The following KRT23 variants were observed in gnomAD, a reference collection of about 807,000 sequenced individuals.
KRT23 encodes keratin 23.
Under a neutral mutation model 47.6 loss-of-function variants are expected in KRT23, and 38 were observed. The ratio of observed to expected loss-of-function variants is 0.80; its 90% CI spans 0.62 to 1.05. The LOEUF (loss-of-function observed/expected upper bound fraction) is 1.05. KRT23 is among the 50% of genes least tolerant of loss of function. The pLI, the probability that KRT23 is intolerant of heterozygous loss-of-function variation, is 0.00. For missense variants in KRT23, 503 were observed against 529.5 expected (o/e 0.95, Z 0.49); for synonymous variants, 191 against 199.0 (o/e 0.96, Z 0.34).
At chr17:40,935,573 G>A (rs904986568) in intron 2 of KRT23, among the ~76,000 whole-genome samples, 1 of 152,016 alleles carries the variant, frequency 6.6e-6, no homozygotes, top group South Asian at 2.1e-4. Flanking sequence ...ATTATTATTG[G>A]TTCTAGCAAT....
At chr17:40,929,583 T>C (rs1909501247) in intron 4 of KRT23, 1 of 195,438 alleles carries the variant, frequency 5.1e-6, no homozygotes, top group Admixed American at 5.9e-5. Flanking sequence ...GCAGACTCTC[T>C]TCATTATATT....
chr17:40,933,261 G>A (rs1028200976), intron 2 of KRT23, among the ~76,000 whole-genome samples: 1 of 152,042 alleles, frequency 6.6e-6, no homozygotes, highest in South Asian at 2.1e-4. Context: ...TCCTCTTGTG[G>A]GATTCCAAAT....
rs760377562 is a variant in KRT23, at chr17:40,936,443, G to T, written c.161C>A (p.Pro54His). ...SLSFTTRSCP[P>H]PGGSWGSGRS... is the part of the protein sequence containing the mutation. ...TCCAGAACCCCAAGACCCTCCAGGG[G>T]GTGGGCAGCTCCGCGTGGTGAAGGA... The change falls in exon 2 of 9, where the codon CCC (proline) becomes CAC (histidine). Residue 54 changes from proline to histidine, a missense_variant. Transcript: ENST00000209718. 6.2e-6 allele frequency: 10 copies of T among 1,610,094 alleles called. No individual in the cohort carries two copies. The highest frequency in any genetic ancestry group is 7.6e-6 in the Non-Finnish European group (9 of 1,177,456).
chr17:40,927,892 C>A (rs1003888432), intron 6 of KRT23, among the ~76,000 whole-genome samples: 1 of 152,158 alleles, frequency 6.6e-6, no homozygotes, highest in Admixed American at 6.5e-5. Context: ...CATATGGTTT[C>A]ATCACCAGTT....
chr17:40,926,822 T>A (rs578200745), intron 6 of KRT23, among the ~76,000 whole-genome samples: 2 of 152,230 alleles, frequency 1.3e-5, no homozygotes, highest in African/African-American at 4.8e-5. Flanking sequence ...CAAGGTAGCC[T>A]ACAAAGCCCT....
intron 1 of KRT23, 97 bp from the exon 2 acceptor site, chr17:40,937,050 C>G (rs540910530): frequency 6.3e-6 from 1 of 158,152 alleles, no homozygotes; most frequent in African/African-American, 2.4e-5. Context: ...CAAAACAAAA[C>G]AACAACAACA....
intron 2 of KRT23, among the ~76,000 whole-genome samples, chr17:40,931,832 T>G (rs917048927): frequency 6.6e-6 from 1 of 152,234 alleles, no homozygotes; most frequent in Non-Finnish European, 1.5e-5. Flanking sequence ...TTTGCTTAAT[T>G]AAGCTCATCC....
intron 6 of KRT23, among the ~76,000 whole-genome samples, chr17:40,927,686 A>C (rs1333332485): frequency 6.6e-6 from 1 of 152,136 alleles, no homozygotes; most frequent in African/African-American, 2.4e-5. Flanking sequence ...AAGAACTTAG[A>C]GTTTTCTGGG....
Position 40,930,007 on chromosome 17 carries a change from G to A in KRT23, c.569C>T (p.Thr190Ile), listed in dbSNP as rs771932888. Reference protein sequence around the residue: ...RTLDNLTIVTTDLEQEVEGMR... With the variant: ...RTLDNLTIVTIDLEQEVEGMR... Reference sequence around the variant, plus strand: ...TCCTTCCACCTCCTGTTCTAGGTCTGTTGTGACAATGGTCAGGTTGTCTAA... The same window carrying A: ...TCCTTCCACCTCCTGTTCTAGGTCTATTGTGACAATGGTCAGGTTGTCTAA... Residue 190 changes from threonine (T) to isoleucine (I), a missense_variant, in exon 4 of 9, where the codon ACA (threonine) becomes ATA (isoleucine). Physicochemically the swap from Thr to Ile is moderately conservative, Grantham distance 89. Coordinates refer to ENST00000209718, the MANE Select transcript of KRT23 (RefSeq NM_015515.5). 6.2e-7 allele frequency: 1 copy of A among 1,614,164 alleles called. No individual in the cohort carries two copies. The highest frequency in any genetic ancestry group is 8.5e-7 in the Non-Finnish European group (1 of 1,180,006).
chr17:40,932,510 CT>C (rs1909769817), intron 2 of KRT23, among the ~76,000 whole-genome samples: 1 of 152,160 alleles, frequency 6.6e-6, no homozygotes, highest in South Asian at 2.1e-4. Flanking sequence ...GGTTCTGGCT[CT>C]GTTCTTGACC....
At chr17:40,928,655 G>T in intron 4 of KRT23, 48 bp from the exon 5 acceptor site, 2 of 1,555,362 alleles carry the variant, frequency 1.3e-6, no homozygotes, top group Non-Finnish European at 1.8e-6. Context: ...ACAATCAGAA[G>T]GCTGGATTGC....
At chr17:40,937,029 A>C (rs1156833120) in intron 1 of KRT23, 76 bp from the exon 2 acceptor site, 2 of 164,750 alleles carry the variant, frequency 1.2e-5, no homozygotes, top group Non-Finnish European at 2.6e-5. Context: ...AAAAAAACCA[A>C]AAACCAAAAC....
In KRT23 at chr17:40,927,683, T is replaced by TA. The variant is rs72282847; in HGVS notation, c.921+554dup. 4.5e-3 allele frequency among the ~76,000 whole-genome samples: 689 copies of TA among 152,288 alleles called. 5 individuals are homozygous for TA. The highest frequency in any genetic ancestry group is 0.015 in the African/African-American group (632 of 41,556). On this transcript the variant is annotated intron_variant, in intron 6 of 8. Coordinates refer to ENST00000209718, the MANE Select transcript of KRT23 (RefSeq NM_015515.5). Reference sequence around the variant, plus strand: ...TAGAAATGACTTGGACACAAGAACTTAGAGTTTTCTGGGTGATAAGACATA... The same window carrying TA: ...TAGAAATGACTTGGACACAAGAACTTAAGAGTTTTCTGGGTGATAAGACATA...
At chr17:40,927,829 A>G (rs1227235237) in intron 6 of KRT23, among the ~76,000 whole-genome samples, 1 of 152,040 alleles carries the variant, frequency 6.6e-6, no homozygotes, top group Non-Finnish European at 1.5e-5. Flanking sequence ...GTAAGTGGAG[A>G]GGGCACTGAT....
At chr17:40,925,032 A>T (rs185932470) in intron 7 of KRT23, 22 of 384,440 alleles carry the variant, frequency 5.7e-5, no homozygotes, top group African/African-American at 4.4e-4. Flanking sequence ...GGACTAACAC[A>T]TTCCCCCTGC....
intron 2 of KRT23, among the ~76,000 whole-genome samples, chr17:40,934,116 A>T (rs1263583343): frequency 6.6e-6 from 1 of 152,186 alleles, no homozygotes; most frequent in Non-Finnish European, 1.5e-5. Context: ...GTGATATTTA[A>T]TATACCTAAA....
At chr17:40,923,598 T>A (rs1909056006) in intron 8 of KRT23, among the ~76,000 whole-genome samples, 1 of 152,242 alleles carries the variant, frequency 6.6e-6, no homozygotes, top group Non-Finnish European at 1.5e-5. Flanking sequence ...TAGGGAAGAA[T>A]TGAAATCATT....
In KRT23 at chr17:40,924,581, C is replaced by G; in HGVS notation, c.1143-78G>C. On this transcript the variant is annotated intron_variant, in intron 7 of 8. Coordinates refer to ENST00000209718, the MANE Select transcript of KRT23 (RefSeq NM_015515.5). ...CAACTTCTCAGGATGAACTAACTTC[C>G]TTCGCTTGCTTGTAAATCCTCTGCT... 2.7e-6 allele frequency: 3 copies of G among 1,108,824 alleles called. No individual in the cohort carries two copies. In the South Asian group the frequency reaches 3.8e-5, roughly 14 times the overall value. The allele number at this position is 1,108,824 out of a possible 1,614,324, so 68.7% of individuals were successfully genotyped here. A position where few individuals can be genotyped will look rare whatever the true frequency, so the allele number is the denominator to read the frequency against.
In KRT23 at chr17:40,923,595, G is replaced by T. The variant is rs187980183; in HGVS notation, c.1175-512C>A. On this transcript the variant is annotated intron_variant, in intron 8 of 8. Coordinates refer to ENST00000209718, the MANE Select transcript of KRT23 (RefSeq NM_015515.5). Reference sequence around the variant, plus strand: ...TAAAGCAATTCTAGACCATAGGGAAGAATTGAAATCATTAATAAATTTACA... The same window carrying T: ...TAAAGCAATTCTAGACCATAGGGAATAATTGAAATCATTAATAAATTTACA... Among the ~76,000 whole-genome samples the T allele has an allele frequency of 2.1e-3, 317 of 152,342 alleles. 2 individuals carry two copies. The highest frequency in any genetic ancestry group is 7.2e-3 in the African/African-American group (301 of 41,592).
Sources: allele counts gnomAD v4.1 joint callset (sites outside exome capture counted in the v4.1 genomes callset), GRCh38; gene constraint gnomAD v4.1.1; transcripts MANE v1.5; gene names NCBI Gene and HGNC (gene_info 2026-07-23, HGNC 2026-07-21).